Variants in EBF2 observed in about 807,000 individuals in gnomAD.
The protein encoded by EBF2 is transcription factor COE2.
EBF2 carries 21 observed loss-of-function variants against 72.8 expected under a neutral mutation model. The ratio of observed to expected loss-of-function variants is 0.29; its 90% CI spans 0.20 to 0.42. The LOEUF is 0.42. EBF2 is among the 10% of genes least tolerant of loss of function. The probability of loss-of-function intolerance (pLI) is 1.00; values close to 1 mark genes in which losing one functional copy is unlikely to be tolerated. For synonymous variants in EBF2, 299 were observed against 274.2 expected (o/e 1.09, Z -0.89); for missense variants, 637 against 731.2 (o/e 0.87, Z 1.49).
At chr8:25,981,528 G>T (rs571927759) in intron 6 of EBF2, among the ~76,000 whole-genome samples, 2 of 152,240 alleles carry the variant, frequency 1.3e-5, no homozygotes, top group South Asian at 4.1e-4. Flanking sequence ...TGGAAGGCCC[G>T]ATGTGGTGGC....
chr8:25,889,661 G>T, intron 8 of EBF2, 91 bp downstream of exon 8: 2 of 1,014,256 alleles, frequency 2.0e-6, no homozygotes, highest in East Asian at 2.4e-5. Context: ...TACTTTCTCT[G>T]CTCTGACTCC....
chr8:25,850,505 G>GGCTGGAGCTATACAA (rs1049043943), intron 15 of EBF2, 89 bp downstream of exon 15: 26 of 1,374,620 alleles, frequency 1.9e-5, no homozygotes, highest in Non-Finnish European at 2.5e-5. Flanking sequence ...GCAGGTAAAT[G>GGCTGGAGCTATACAA]GCTGGAGCTA....
chr8:26,015,318 C>T (rs1316197121), intron 6 of EBF2, among the ~76,000 whole-genome samples: 1 of 152,194 alleles, frequency 6.6e-6, no homozygotes, highest in African/African-American at 2.4e-5. Flanking sequence ...CATAGACACA[C>T]AAATAAGCCT....
At chr8:26,026,880 T>G (rs1454386685) in intron 6 of EBF2, among the ~76,000 whole-genome samples, 1 of 152,240 alleles carries the variant, frequency 6.6e-6, no homozygotes, top group Admixed American at 6.5e-5. Context: ...ACATAACTCC[T>G]TCAAACTTGA....
chr8:26,008,435 G>A (rs1439798856), intron 6 of EBF2, among the ~76,000 whole-genome samples: 2 of 152,108 alleles, frequency 1.3e-5, no homozygotes, highest in Non-Finnish European at 2.9e-5. Context: ...TGTTTAAGTG[G>A]CTGTTTAAGA....
At chr8:25,853,887 A>G (rs1766575544) in intron 14 of EBF2, among the ~76,000 whole-genome samples, 1 of 152,134 alleles carries the variant, frequency 6.6e-6, no homozygotes, top group Admixed American at 6.6e-5. Context: ...TTTAATTTTT[A>G]AAAATACAAA....
intron 6 of EBF2, among the ~76,000 whole-genome samples, chr8:25,983,755 G>C (rs937056557): frequency 2.6e-5 from 4 of 152,196 alleles, no homozygotes; most frequent in African/African-American, 4.8e-5. Flanking sequence ...AAACTCGCTG[G>C]GTGTGCCCAC....
At position 25,887,718 on chromosome 8, in the gene EBF2, G is replaced by A. The variant is rs183525860; in HGVS notation, c.882+124C>T. 1.1e-3 allele frequency: 1,284 copies of A among 1,177,542 alleles called. 5 individuals carry two copies. The highest frequency in any genetic ancestry group is 7.0e-3 in the Admixed American group (216 of 31,014). The allele number at this position is 1,177,542 out of a possible 1,614,324, so 72.9% of individuals were successfully genotyped here. On this transcript the variant is annotated intron_variant, in intron 9 of 15. Transcript: ENST00000520164. Reference sequence around the variant, plus strand: ...CTGCAGTGGATACTTATCTTCTTAAGAAACCCATGCCTGATTTACTATGAC... The same window carrying A: ...CTGCAGTGGATACTTATCTTCTTAAAAAACCCATGCCTGATTTACTATGAC...
At chr8:25,937,098 C>T (rs903706792) in intron 6 of EBF2, among the ~76,000 whole-genome samples, 16 of 152,212 alleles carry the variant, frequency 1.1e-4, no homozygotes, top group African/African-American at 3.1e-4. Context: ...ACATTCTGAT[C>T]GATTGATTAA....
chr8:25,938,386 AG>A (rs1438946869), intron 6 of EBF2, among the ~76,000 whole-genome samples: 1 of 150,886 alleles, frequency 6.6e-6, no homozygotes, highest in Non-Finnish European at 1.5e-5. Context: ...AAAAAAAAAA[AG>A]CCTAGTTTTT....
At chr8:25,899,548 G>T (rs1164876008) in intron 7 of EBF2, among the ~76,000 whole-genome samples, 1 of 152,136 alleles carries the variant, frequency 6.6e-6, no homozygotes, top group African/African-American at 2.4e-5. Context: ...CTCTCCAACG[G>T]GTGTGAGAGA....
intron 6 of EBF2, among the ~76,000 whole-genome samples, chr8:26,027,809 T>C (rs1805324801): frequency 1.3e-5 from 2 of 152,272 alleles, no homozygotes; most frequent in Admixed American, 6.5e-5. Flanking sequence ...TGACACATGC[T>C]ACAACATGGA....
chr8:26,029,205 A>G (rs1805353298), intron 6 of EBF2, among the ~76,000 whole-genome samples: 1 of 152,160 alleles, frequency 6.6e-6, no homozygotes, highest in Admixed American at 6.5e-5. Context: ...CAAGCAGCCT[A>G]TTAGAAACAG....
At chr8:25,968,410 T>C (rs1346646108) in intron 6 of EBF2, among the ~76,000 whole-genome samples, 1 of 152,238 alleles carries the variant, frequency 6.6e-6, no homozygotes, top group East Asian at 1.9e-4. Flanking sequence ...GAGGACATTA[T>C]GCTGAGTGAA....
intron 6 of EBF2, among the ~76,000 whole-genome samples, chr8:25,978,644 AC>A (rs778694246): frequency 3.9e-5 from 6 of 152,140 alleles, no homozygotes; most frequent in Non-Finnish European, 7.3e-5. Context: ...CAGGTTCAGA[AC>A]CTGAGCACAC....
chr8:25,900,988 G>A lies in EBF2; in HGVS notation c.633+7486C>T, dbSNP rs187729373. ...AGAGAGAACTTGCAATATTCCCAAC[G>A]TAGAGAAATGATCAATTCTCATGAT... On this transcript the variant is annotated intron_variant, in intron 7 of 15. Coordinates refer to ENST00000520164, the MANE Select transcript of EBF2 (RefSeq NM_022659.4). Among the ~76,000 whole-genome samples, 13 of 152,052 alleles carry A rather than the reference G, an allele frequency of 8.5e-5. No homozygotes were observed. In the East Asian group the frequency reaches 1.9e-3, roughly 23 times the overall value.
intron 6 of EBF2, among the ~76,000 whole-genome samples, chr8:25,965,880 G>A (rs1006139667): frequency 5.9e-5 from 9 of 152,330 alleles, no homozygotes; most frequent in African/African-American, 1.9e-4. Context: ...GTACCTGGCC[G>A]AGGGCAGCAA....
intron 6 of EBF2, among the ~76,000 whole-genome samples, chr8:25,911,808 C>T (rs4570167): frequency 0.53 from 80,680 of 151,866 alleles, 23,912 homozygotes; most frequent in East Asian, 0.74. Flanking sequence ...GTTTCTGAGA[C>T]GTAGGTGAAA....
intron 10 of EBF2, among the ~76,000 whole-genome samples, chr8:25,883,801 T>A (rs1802642473): frequency 6.6e-6 from 1 of 152,070 alleles, no homozygotes; most frequent in South Asian, 2.1e-4. Flanking sequence ...TCCAGGGGTG[T>A]CTTTGAAACA....
Sources: gnomAD v4.1 joint callset for allele counts (sites outside exome capture counted in the v4.1 genomes callset) on GRCh38, gnomAD v4.1.1 for gene constraint, MANE v1.5 for transcripts, NCBI Gene and HGNC (gene_info 2026-07-23, HGNC 2026-07-21) for gene names.